The following ADGRL3 variants were observed in gnomAD, a reference collection of about 807,000 sequenced individuals.
ADGRL3 encodes the protein calcium-independent alpha-latrotoxin receptor 3.
A neutral mutation model predicts 153.5 loss-of-function variants in ADGRL3; 62 were observed. The observed-to-expected ratio is 0.40, with a 90% CI of 0.33 to 0.50. The LOEUF (loss-of-function observed/expected upper bound fraction) is 0.50, where lower values mean the gene tolerates loss of function less well. Among genes scored for constraint, ADGRL3 ranks in the 20% least tolerant of loss-of-function variants. ADGRL3 has a pLI of 0.47. For synonymous variants in ADGRL3, 710 were observed against 672.5 expected (o/e 1.06, Z -0.86); for missense variants, 1,641 against 1,859.4 (o/e 0.88, Z 2.16).
chr4:61,716,354 T>A (rs10022833), intron 6 of ADGRL3, among the ~76,000 whole-genome samples: 107,239 of 151,976 alleles, frequency 0.71, 38,884 homozygotes, highest in East Asian at 0.93. Context: ...ATTAACATTA[T>A]CAATGTAGCA....
intron 8 of ADGRL3, among the ~76,000 whole-genome samples, chr4:61,798,598 G>A (rs1375314131): frequency 1.3e-5 from 2 of 150,396 alleles, no homozygotes; most frequent in African/African-American, 2.5e-5. Flanking sequence ...TTATTTGTTT[G>A]TTTATTTATT....
chr4:61,599,772 C>T (rs962548101), intron 5 of ADGRL3, among the ~76,000 whole-genome samples: 10 of 152,104 alleles, frequency 6.6e-5, no homozygotes, highest in Non-Finnish European at 1.5e-4. Flanking sequence ...GGGACTGAGA[C>T]AAGAGAACAG....
chr4:61,719,656 G>A (rs1057249480), intron 6 of ADGRL3, among the ~76,000 whole-genome samples: 25 of 146,652 alleles, frequency 1.7e-4, no homozygotes, highest in Non-Finnish European at 2.4e-4. Flanking sequence ...AGGCTAGAGT[G>A]CAGTGGCCAT....
At chr4:61,618,679 T>C (rs1240412339) in intron 5 of ADGRL3, among the ~76,000 whole-genome samples, 1 of 152,160 alleles carries the variant, frequency 6.6e-6, no homozygotes, top group African/African-American at 2.4e-5. Flanking sequence ...AGGCCAAATG[T>C]GCAAGCAGTT....
At chr4:61,927,398 A>C (rs1035196659) in intron 13 of ADGRL3, among the ~76,000 whole-genome samples, 1 of 151,992 alleles carries the variant, frequency 6.6e-6, no homozygotes, top group Non-Finnish European at 1.5e-5. Flanking sequence ...TTAAAGACAC[A>C]GTCTGTTCTA....
intron 9 of ADGRL3, among the ~76,000 whole-genome samples, chr4:61,835,337 G>GAAA (rs34440166): frequency 1.5e-3 from 51 of 33,012 alleles, no homozygotes; most frequent in Non-Finnish European, 2.1e-3. Flanking sequence ...TGGCAAGACT[G>GAAA]AAAAAAAAAA....
chr4:61,488,837 G>A (rs1162504400), intron 2 of ADGRL3, among the ~76,000 whole-genome samples: 2 of 151,900 alleles, frequency 1.3e-5, no homozygotes, highest in Non-Finnish European at 1.5e-5. Context: ...GATTGCTTAA[G>A]GTATTTTTCT....
At chr4:61,346,328 C>G (rs1361303601) in intron 1 of ADGRL3, among the ~76,000 whole-genome samples, 1 of 151,682 alleles carries the variant, frequency 6.6e-6, no homozygotes, top group Non-Finnish European at 1.5e-5. Flanking sequence ...CACACACACA[C>G]ACACACACAC....
chr4:62,051,598 A>G (rs1734245561), intron 25 of ADGRL3, among the ~76,000 whole-genome samples: 1 of 151,754 alleles, frequency 6.6e-6, no homozygotes, highest in Non-Finnish European at 1.5e-5. Context: ...CAAGTAATCC[A>G]GTCTCTCACA....
At chr4:61,246,725 T>C (rs1386573453) in intron 1 of ADGRL3, among the ~76,000 whole-genome samples, 1 of 151,682 alleles carries the variant, frequency 6.6e-6, no homozygotes, top group African/African-American at 2.4e-5. Context: ...TTAACCAAAA[T>C]GAGGTGTGTA....
chr4:62,001,605 A>T (rs1202141476), intron 21 of ADGRL3, among the ~76,000 whole-genome samples: 3 of 152,220 alleles, frequency 2.0e-5, no homozygotes, highest in Non-Finnish European at 4.4e-5. Flanking sequence ...TTGCTAAAGA[A>T]AAAAGGAGTT....
At chr4:61,284,520 A>G (rs1417806666) in intron 1 of ADGRL3, among the ~76,000 whole-genome samples, 1 of 151,930 alleles carries the variant, frequency 6.6e-6, no homozygotes, top group Non-Finnish European at 1.5e-5. Context: ...TTTAGCACCT[A>G]CTGTTTACCA....
At chr4:61,992,157 A>T (rs971500417) in intron 19 of ADGRL3, among the ~76,000 whole-genome samples, 2 of 152,122 alleles carry the variant, frequency 1.3e-5, no homozygotes, top group Non-Finnish European at 2.9e-5. Context: ...GTTGCTAGGT[A>T]GATAAAGGCA....
In ADGRL3 at chr4:62,070,507, A is replaced by T. The variant is rs901253058; in HGVS notation, c.4231A>T (p.Thr1411Ser). 4 of 1,551,182 alleles carry T rather than the reference A, an allele frequency of 2.6e-6. No individual in the cohort carries two copies. Among genetic ancestry groups the T allele is most frequent in the Non-Finnish European group, 3.5e-6 (4 of 1,146,868 alleles). ...APLLPPRVYSTENHQPHHYTR... is the reference protein window; with the variant it reads ...APLLPPRVYSSENHQPHHYTR... ...TTTGCTGCCCCCAAGAGTATACTCC[A>T]CCGAGAACCACCAGCCACACCATTA... Residue 1411 changes from threonine to serine, a missense_variant, in exon 27 of 27, where the codon ACC becomes TCC. Around this residue, in one of 5 missense-constraint regions of ADGRL3, gnomAD observed 517 missense variants for 555.0 expected, o/e 0.93. Transcript: ENST00000683033.
intron 4 of ADGRL3, among the ~76,000 whole-genome samples, chr4:61,532,547 C>CGTGTGT (rs1476156297): frequency 3.4e-4 from 21 of 62,188 alleles, no homozygotes; most frequent in East Asian, 1.6e-3. Flanking sequence ...CGCGCGCGCG[C>CGTGTGT]GCGCGCGCGT....
chr4:61,557,109 G>A (rs1262791792), intron 4 of ADGRL3, among the ~76,000 whole-genome samples: 2 of 152,052 alleles, frequency 1.3e-5, no homozygotes, highest in African/African-American at 4.8e-5. Flanking sequence ...AAAGATGATG[G>A]GAGAGAGATC....
At chr4:62,033,390 C>T (rs1723238300) in intron 23 of ADGRL3, among the ~76,000 whole-genome samples, 1 of 151,694 alleles carries the variant, frequency 6.6e-6, no homozygotes, top group African/African-American at 2.4e-5. Context: ...CAGTCTGCCA[C>T]ACTTAATGTA....
rs527835959 is a variant in ADGRL3, at chr4:61,543,458, T to C, written c.259+25940T>C. 4.9e-4 allele frequency among the ~76,000 whole-genome samples: 74 copies of C among 152,292 alleles called. 1 individual carries two copies. Among genetic ancestry groups the C allele is most frequent in the African/African-American group, 1.7e-3 (70 of 41,568 alleles). On this transcript the variant is annotated intron_variant, in intron 4 of 26. Coordinates refer to ENST00000683033, the MANE Select transcript of ADGRL3 (RefSeq NM_001387552.1). ...TCCCTTACTGGCAGAGAAAGGAACA[T>C]AGCCTTCCTGACTGGCTGATTTTAG...
chr4:61,795,228 A>G lies in ADGRL3; in HGVS notation c.1400-18581A>G, dbSNP rs186759032. 1.1e-4 allele frequency among the ~76,000 whole-genome samples: 17 copies of G among 152,292 alleles called. 1 individual carries two copies. Among genetic ancestry groups the G allele is most frequent in the African/African-American group, 4.1e-4 (17 of 41,568 alleles). ...CTGCAACCTCGAACTTCTAGGCTCA[A>G]ACAATTCTCCCATCTCAGCCTCCTG... On this transcript the variant is annotated intron_variant, in intron 8 of 26. Coordinates refer to ENST00000683033, the MANE Select transcript of ADGRL3 (RefSeq NM_001387552.1).
Sources: allele counts gnomAD v4.1 joint callset (sites outside exome capture counted in the v4.1 genomes callset), GRCh38; gene constraint gnomAD v4.1.1; regional missense constraint gnomAD v4.1.1; transcripts MANE v1.5; gene names NCBI Gene and HGNC (gene_info 2026-07-23, HGNC 2026-07-21).